MIER3: variants seen among roughly 807,000 people sequenced by gnomAD.
The protein encoded by MIER3 is MIER family member 3.
Under a neutral mutation model 63.2 loss-of-function variants are expected in MIER3, and 9 were observed. The ratio of observed to expected loss-of-function variants is 0.14; its 90% CI spans 0.09 to 0.25. MIER3 has a LOEUF of 0.25. Ranked by LOEUF, MIER3 falls within the 10% of genes least tolerant of loss-of-function variation. The pLI, the probability that MIER3 is intolerant of heterozygous loss-of-function variation, is 1.00. For missense variants in MIER3, 512 were observed against 666.2 expected, an observed-to-expected ratio of 0.77 and a Z score of 2.55; for synonymous variants, 205 against 224.9, an observed-to-expected ratio of 0.91 and a Z score of 0.79.
Position 56,935,516 on chromosome 5 carries a change from G to A in MIER3, c.523-16C>T. The A allele has an allele frequency of 6.4e-7, 1 of 1,569,962 alleles. No individual in the cohort carries two copies. The highest frequency in any genetic ancestry group is 8.6e-7 in the Non-Finnish European group (1 of 1,161,470). ...TCATTATTTCCTACAGGAAAATTGA[G>A]AGGTAAAAATAACTTATTAAAAAAA... On this transcript the variant is annotated splice_polypyrimidine_tract_variant and intron_variant, in intron 6 of 12. Coordinates refer to ENST00000381199, the MANE Select transcript of MIER3 (RefSeq NM_001297599.2).
At chr5:56,938,469 G>A in intron 4 of MIER3, 1 of 434,720 alleles carries the variant, frequency 2.3e-6, no homozygotes, top group Non-Finnish European at 4.8e-6. Context: ...CTTGGCTGCT[G>A]CGGCCGCTGT....
chr5:56,943,669 C>A (rs1443553040), intron 3 of MIER3, among the ~76,000 whole-genome samples: 1 of 152,202 alleles, frequency 6.6e-6, no homozygotes, highest in Non-Finnish European at 1.5e-5. Flanking sequence ...AAAGGTGAAT[C>A]TAGTCTCTGA....
chr5:56,928,297 A>G (rs252895), intron 10 of MIER3: 129,103 of 152,406 alleles, frequency 0.85, 55,050 homozygotes, highest in South Asian at 0.92. Context: ...CAACGTGGCC[A>G]TACCACTTTG....
chr5:56,943,194 A>C (rs911687776), intron 3 of MIER3, among the ~76,000 whole-genome samples: 2 of 152,114 alleles, frequency 1.3e-5, no homozygotes, highest in African/African-American at 4.8e-5. Flanking sequence ...AGCCAAGCTA[A>C]AGACTGAACG....
At chr5:56,951,680 CTT>C (rs1007701002) in intron 1 of MIER3, among the ~76,000 whole-genome samples, 7 of 151,662 alleles carry the variant, frequency 4.6e-5, no homozygotes, top group African/African-American at 7.3e-5. Flanking sequence ...CCGCTCCCCT[CTT>C]TGCGATCCGG....
Position 56,923,403 on chromosome 5 carries a change from A to G in MIER3, c.1378T>C (p.Phe460Leu), listed in dbSNP as rs766219551. The G allele has an allele frequency of 3.1e-6, 5 of 1,614,148 alleles. No individual in the cohort carries two copies. The South Asian group carries it at 5.5e-5, about 18-fold the overall frequency. The change falls in exon 13 of 13, where the codon TTT becomes CTT. Residue 460 changes from phenylalanine to leucine, a missense_variant. Phe to Leu is a conservative substitution (Grantham distance 22). Coordinates refer to ENST00000381199, the MANE Select transcript of MIER3 (RefSeq NM_001297599.2). ...SDCFNLFETG[F>L]YHSELNPMNM... ...ATAGGGTTTAGCTCCGAGTGATAAA[A>G]TCCAGTCTCAAATAAATTAAAACAA... is the stretch of plus-strand genomic sequence containing the variant.
chr5:56,921,148 G>A lies in MIER3; in HGVS notation c.*1980C>T, dbSNP rs997437160. 1 of 152,530 alleles carries A rather than the reference G, an allele frequency of 6.6e-6. No homozygotes were observed. Among genetic ancestry groups the A allele is most frequent in the African/African-American group, 2.4e-5 (1 of 41,432 alleles). The allele number at this position is 152,530 out of a possible 1,614,324, so 9.4% of individuals were successfully genotyped here. On this transcript the variant is annotated 3_prime_UTR_variant, in exon 13 of 13. Coordinates refer to ENST00000381199, the MANE Select transcript of MIER3 (RefSeq NM_001297599.2). ...TGGGCATGTTCATTTAAGTGCAACTGGTATTAGCATTCAGTCATCTTTGTG... is the reference window on the plus strand; with the variant it reads ...TGGGCATGTTCATTTAAGTGCAACTAGTATTAGCATTCAGTCATCTTTGTG...
chr5:56,935,235 TG>T (rs1377015300), intron 7 of MIER3, among the ~76,000 whole-genome samples, 192 bp downstream of exon 7: 1 of 151,774 alleles, frequency 6.6e-6, no homozygotes, highest in Non-Finnish European at 1.5e-5. Context: ...GGGTTGGGGG[TG>T]GGGGGAAACT....
chr5:56,922,881 C>G lies in MIER3; in HGVS notation c.*247G>C, dbSNP rs1293784914. ...TATTGGGAGATGAGGAAGAGAGAAG[C>G]AGAGCTTAAAGCTGCACCACAGAGT... On this transcript the variant is annotated 3_prime_UTR_variant, in exon 13 of 13. Coordinates refer to ENST00000381199, the MANE Select transcript of MIER3 (RefSeq NM_001297599.2). 2.1e-6 allele frequency: 1 copy of G among 471,820 alleles called. No individual in the cohort carries two copies. Among genetic ancestry groups the G allele is most frequent in the East Asian group, 3.8e-5 (1 of 26,650 alleles). 29.2% of individuals were successfully genotyped at this position (471,820 alleles called of 1,614,324 possible). A position where few individuals can be genotyped will look rare whatever the true frequency, so the allele number is the denominator to read the frequency against.
intron 3 of MIER3, among the ~76,000 whole-genome samples, chr5:56,943,687 C>G (rs1371554921): frequency 6.6e-6 from 1 of 152,186 alleles, no homozygotes; most frequent in Non-Finnish European, 1.5e-5. Flanking sequence ...TGAAGCACTT[C>G]ACAAATGAAC....
intron 3 of MIER3, among the ~76,000 whole-genome samples, chr5:56,945,929 T>C (rs1750810413): frequency 6.6e-6 from 1 of 152,250 alleles, no homozygotes; most frequent in South Asian, 2.1e-4. Flanking sequence ...TTTATATTTG[T>C]GTCTCTACTG....
rs1222172235 is a variant in MIER3, at chr5:56,921,704, T to C, written c.*1424A>G. 2 of 152,642 alleles carry C rather than the reference T, an allele frequency of 1.3e-5. No individual in the cohort carries two copies. The highest frequency in any genetic ancestry group is 2.9e-5 in the Non-Finnish European group (2 of 68,032). 9.5% of individuals were successfully genotyped at this position (152,642 alleles called of 1,614,324 possible). ...TTGAAGCAACTTATACTTACAAATATTAGCAATGCAGCCAAACATTTGTTT... is the reference window on the plus strand; with the variant it reads ...TTGAAGCAACTTATACTTACAAATACTAGCAATGCAGCCAAACATTTGTTT... On this transcript the variant is annotated 3_prime_UTR_variant, in exon 13 of 13. Transcript: ENST00000381199.
Position 56,919,627 on chromosome 5 carries a change from G to A in MIER3, c.*3501C>T, listed in dbSNP as rs1300144087. 1 of 152,402 alleles carries A rather than the reference G, an allele frequency of 6.6e-6. No individual in the cohort carries two copies. Among genetic ancestry groups the A allele is most frequent in the Non-Finnish European group, 1.5e-5 (1 of 67,996 alleles). The allele number at this position is 152,402 out of a possible 1,614,324, so 9.4% of individuals were successfully genotyped here. On this transcript the variant is annotated 3_prime_UTR_variant, in exon 13 of 13. Transcript: ENST00000381199. ...AAAAGATTCCCAGATTTTTATTTCTGGAACTGTACACCAGGTATTAAAGTA... is the reference window on the plus strand; with the variant it reads ...AAAAGATTCCCAGATTTTTATTTCTAGAACTGTACACCAGGTATTAAAGTA...
intron 2 of MIER3, among the ~76,000 whole-genome samples, chr5:56,947,855 A>G (rs1750879046): frequency 6.6e-6 from 1 of 152,238 alleles, no homozygotes; most frequent in Non-Finnish European, 1.5e-5. Context: ...TTTTAATAGC[A>G]AATATGAAGT....
chr5:56,943,298 G>A (rs906737392), intron 3 of MIER3, among the ~76,000 whole-genome samples: 2 of 151,432 alleles, frequency 1.3e-5, no homozygotes, highest in African/African-American at 4.9e-5. Context: ...TCTTCCAAAT[G>A]TGGGATCTGC....
At chr5:56,928,987 T>TCACA (rs1453560598) in intron 9 of MIER3, 126 bp from the exon 10 acceptor site, 10 of 478,484 alleles carry the variant, frequency 2.1e-5, no homozygotes, top group African/African-American at 3.8e-5. Context: ...ACACACTCTC[T>TCACA]CTCTCACACA....
At chr5:56,939,404 G>A (rs1750563736) in intron 3 of MIER3, among the ~76,000 whole-genome samples, 1 of 152,016 alleles carries the variant, frequency 6.6e-6, no homozygotes, top group South Asian at 2.1e-4. Context: ...TTTAACAGCT[G>A]ACCACTTGCT....
At chr5:56,941,108 T>G in intron 3 of MIER3, 1 of 985,444 alleles carries the variant, frequency 1.0e-6, no homozygotes, top group Non-Finnish European at 1.2e-6. Context: ...TACTGAAGAA[T>G]CCCTGCTCAC....
At chr5:56,948,702 ATATT>A (rs1479729428) in intron 2 of MIER3, among the ~76,000 whole-genome samples, 3 of 152,190 alleles carry the variant, frequency 2.0e-5, no homozygotes, top group South Asian at 2.1e-4. Flanking sequence ...AGAAATAAGA[ATATT>A]TATTAATTAG....
Sources: gnomAD v4.1 joint callset for allele counts (sites outside exome capture counted in the v4.1 genomes callset) on GRCh38, gnomAD v4.1.1 for gene constraint, MANE v1.5 for transcripts, NCBI Gene and HGNC (gene_info 2026-07-23, HGNC 2026-07-21) for gene names.